The following CCSAP variants were observed in gnomAD, a reference collection of about 807,000 sequenced individuals.
CCSAP encodes the protein centriole, cilia and spindle associated protein.
A neutral mutation model predicts 25.9 loss-of-function variants in CCSAP; 17 were observed. That is an observed-to-expected ratio of 0.66 (90% CI 0.45 to 0.99). The LOEUF (loss-of-function observed/expected upper bound fraction) is 0.99, where lower values mean the gene tolerates loss of function less well. Ranked by LOEUF, CCSAP falls within the 50% of genes least tolerant of loss-of-function variation. CCSAP has a pLI of 0.00. For missense variants in CCSAP, 339 were observed against 367.8 expected, an observed-to-expected ratio of 0.92 and a Z score of 0.64; for synonymous variants, 169 against 157.1, an observed-to-expected ratio of 1.08 and a Z score of -0.57.
chr1:229,337,554 T>G (rs1658218839), intron 2 of CCSAP, among the ~76,000 whole-genome samples: 1 of 149,990 alleles, frequency 6.7e-6, no homozygotes, highest in African/African-American at 2.5e-5. Context: ...AAGGAAGACT[T>G]GAGATGTGCA....
Position 229,342,639 on chromosome 1 carries a change from G to A in CCSAP, c.-48-126C>T. 2.5e-6 allele frequency: 1 copy of A among 393,470 alleles called. No homozygotes were observed. The highest frequency in any genetic ancestry group is 4.4e-6 in the Non-Finnish European group (1 of 229,794). The allele number at this position is 393,470 out of a possible 1,614,324, so 24.4% of individuals were successfully genotyped here. On this transcript the variant is annotated intron_variant, in intron 1 of 3. Coordinates refer to ENST00000284617, the MANE Select transcript of CCSAP (RefSeq NM_145257.5). This position sits in a 1 kb window ranked among gnomAD's most constrained non-coding sequence, Gnocchi z 7.5. ...GGCGGGTCCCGGCGAGGGCGGGGAG[G>A]GGGCGGGGCGGGGGCGGCCTCACCC...
intron 2 of CCSAP, among the ~76,000 whole-genome samples, chr1:229,341,495 G>C (rs911992538): frequency 2.0e-5 from 3 of 152,216 alleles, no homozygotes; most frequent in African/African-American, 7.2e-5. Context: ...TTCGGATCTG[G>C]ACAGGCGAGG....
intron 2 of CCSAP, among the ~76,000 whole-genome samples, chr1:229,338,657 C>T (rs1376508622): frequency 2.6e-5 from 4 of 151,574 alleles, no homozygotes; most frequent in Admixed American, 2.6e-4. Flanking sequence ...AGAAAAGTGC[C>T]TAACATGAAA....
chr1:229,321,327 A>AT lies in CCSAP; in HGVS notation c.*3907dup, dbSNP rs952464570. 2.0e-5 allele frequency: 3 copies of AT among 152,272 alleles called. No homozygotes were observed. The highest frequency in any genetic ancestry group is 2.9e-5 in the Non-Finnish European group (2 of 68,012). The allele number at this position is 152,272 out of a possible 1,614,324, so 9.4% of individuals were successfully genotyped here. ...GGAAATAATATTAAAAGAGCAATCGATTTTTTTCCATCTCACACTAGTAGG... is the reference window on the plus strand; with the variant it reads ...GGAAATAATATTAAAAGAGCAATCGATTTTTTTTCCATCTCACACTAGTAGG... On this transcript the variant is annotated 3_prime_UTR_variant, in exon 4 of 4. Transcript: ENST00000284617.
intron 2 of CCSAP, among the ~76,000 whole-genome samples, chr1:229,332,670 C>A (rs200286785): frequency 6.6e-6 from 1 of 151,702 alleles, no homozygotes; most frequent in African/African-American, 2.4e-5. Flanking sequence ...CTGGCCAGTC[C>A]AATACAATAG....
chr1:229,337,678 A>AAAAAAAATATATATATAT, intron 2 of CCSAP, among the ~76,000 whole-genome samples: 1 of 65,512 alleles, frequency 1.5e-5, no homozygotes, highest in African/African-American at 6.0e-5. Context: ...CTCAAAAAAA[A>AAAAAAAATATATATATAT]ATATATATAT....
chr1:229,327,031 G>T, intron 2 of CCSAP, 25 bp from the exon 3 acceptor site: 1 of 1,554,666 alleles, frequency 6.4e-7, no homozygotes, highest in South Asian at 1.2e-5. Context: ...TAAATGAGAT[G>T]AAAATACTTT....
chr1:229,333,880 CA>C (rs1047907298), intron 2 of CCSAP, among the ~76,000 whole-genome samples: 3 of 151,794 alleles, frequency 2.0e-5, no homozygotes, highest in African/African-American at 7.3e-5. Flanking sequence ...GATTCCATCT[CA>C]AAAAATAATA....
In CCSAP at chr1:229,325,156, T is replaced by C. The variant is rs1370374729; in HGVS notation, c.*79A>G. The C allele has an allele frequency of 1.0e-5, 14 of 1,392,848 alleles. No homozygotes were observed. Among genetic ancestry groups the C allele is most frequent in the Non-Finnish European group, 6.8e-6 (7 of 1,032,070 alleles). The allele number at this position is 1,392,848 out of a possible 1,614,324, so 86.3% of individuals were successfully genotyped here. On this transcript the variant is annotated 3_prime_UTR_variant, in exon 4 of 4. Coordinates refer to ENST00000284617, the MANE Select transcript of CCSAP (RefSeq NM_145257.5). Reference sequence around the variant, plus strand: ...GTTGGTTTCTTAAACCTGTGTCCGTTTCTTTTGATGGTTTTTGTTTTGTTT... The same window carrying C: ...GTTGGTTTCTTAAACCTGTGTCCGTCTCTTTTGATGGTTTTTGTTTTGTTT...
rs1444068508 is a variant in CCSAP, at chr1:229,342,593, C to G, written c.-48-80G>C. Reference sequence around the variant, plus strand: ...CCGCCGCGACGTTTAAACCCGGAGCCCCGCCCGGACGGGAGCAGGGGGCGG... The same window carrying G: ...CCGCCGCGACGTTTAAACCCGGAGCGCCGCCCGGACGGGAGCAGGGGGCGG... On this transcript the variant is annotated intron_variant, in intron 1 of 3. Transcript: ENST00000284617. The surrounding 1 kb of genome is among the most constrained non-coding windows in gnomAD (Gnocchi z 7.5). The G allele has an allele frequency of 1.7e-6, 1 of 586,062 alleles. No homozygotes were observed. The highest frequency in any genetic ancestry group is 1.9e-5 in the African/African-American group (1 of 51,728). 36.3% of individuals were successfully genotyped at this position (586,062 alleles called of 1,614,324 possible).
chr1:229,325,217 G>A lies in CCSAP; in HGVS notation c.*18C>T, dbSNP rs200643344. The A allele has an allele frequency of 1.9e-6, 3 of 1,572,542 alleles. No homozygotes were observed. The East Asian group carries it at 6.8e-5, about 36-fold the overall frequency. On this transcript the variant is annotated 3_prime_UTR_variant, in exon 4 of 4. Transcript: ENST00000284617. The stretch of plus-strand genomic sequence containing the variant: ...TCATTTACACTTTTTAAAAGAGGCT[G>A]TCCACGCAAGTGTTTCTTTAAGCTC...
rs1034060322 is a variant in CCSAP at position 229,321,786 on chromosome 1, T to A, written c.*3449A>T. On this transcript the variant is annotated 3_prime_UTR_variant, in exon 4 of 4. Transcript: ENST00000284617. ...TTTGAACACTTTAAAGAAAGTACAG[T>A]CGGCCCTCTGTATCCGTGAGTTCTG... is the stretch of plus-strand genomic sequence containing the variant. 1 of 152,210 alleles carries A rather than the reference T, an allele frequency of 6.6e-6. No individual in the cohort carries two copies. Among genetic ancestry groups the A allele is most frequent in the East Asian group, 1.9e-4 (1 of 5,204 alleles). The allele number at this position is 152,210 out of a possible 1,614,324, so 9.4% of individuals were successfully genotyped here.
chr1:229,327,525 A>T (rs751629629), intron 2 of CCSAP: 1 of 456,158 alleles, frequency 2.2e-6, no homozygotes, highest in South Asian at 1.5e-5. Context: ...AGTGATTTCC[A>T]TCGTTACCGC....
chr1:229,334,596 T>C (rs1658152381), intron 2 of CCSAP, among the ~76,000 whole-genome samples: 1 of 151,764 alleles, frequency 6.6e-6, no homozygotes, highest in South Asian at 2.1e-4. Context: ...GAAAAAATAA[T>C]AAATTAATGA....
At position 229,342,392 on chromosome 1, in the gene CCSAP, G is replaced by T. The variant is rs773989155; in HGVS notation, c.74C>A (p.Pro25Gln). The change falls in exon 2 of 4, where the codon CCG (proline) becomes CAG (glutamine). Residue 25 changes from proline (P) to glutamine (Q), a missense_variant. Coordinates refer to ENST00000284617, the MANE Select transcript of CCSAP (RefSeq NM_145257.5). This position sits in a 1 kb window ranked among gnomAD's most constrained non-coding sequence, Gnocchi z 7.5. ...GTAGTGCAGCAGCTCGCGGTAGCAC[G>T]GCCCGTACTCCTCCCAGCGCGGCTC... ...YQEPRWEEYG[P>Q]CYRELLHYRL... 7.4e-6 allele frequency: 11 copies of T among 1,496,306 alleles called. No homozygotes were observed. The highest frequency in any genetic ancestry group is 5.2e-5 in the South Asian group (4 of 77,230). The allele number at this position is 1,496,306 out of a possible 1,614,324, so 92.7% of individuals were successfully genotyped here.
In CCSAP at chr1:229,325,215, C is replaced by T. The variant is rs1423768144; in HGVS notation, c.*20G>A. On this transcript the variant is annotated 3_prime_UTR_variant, in exon 4 of 4. Coordinates refer to ENST00000284617, the MANE Select transcript of CCSAP (RefSeq NM_145257.5). ...AGTCATTTACACTTTTTAAAAGAGG[C>T]TGTCCACGCAAGTGTTTCTTTAAGC... The T allele has an allele frequency of 6.4e-7, 1 of 1,558,484 alleles. No homozygotes were observed. Among genetic ancestry groups the T allele is most frequent in the Admixed American group, 2.2e-5 (1 of 46,364 alleles).
chr1:229,330,717 C>T (rs1030953040), intron 2 of CCSAP, among the ~76,000 whole-genome samples: 21 of 151,770 alleles, frequency 1.4e-4, no homozygotes, highest in Admixed American at 6.6e-4. Flanking sequence ...TGGTGGCAGG[C>T]GCCTGTAGTC....
At chr1:229,337,973 C>T (rs1403045893) in intron 2 of CCSAP, among the ~76,000 whole-genome samples, 1 of 151,818 alleles carries the variant, frequency 6.6e-6, no homozygotes, top group Admixed American at 6.6e-5. Flanking sequence ...GAACAATTAT[C>T]AATTTCAGGA....
chr1:229,326,595 C>T, intron 3 of CCSAP, 143 bp downstream of exon 3: 1 of 964,920 alleles, frequency 1.0e-6, no homozygotes, highest in Non-Finnish European at 1.5e-6. Flanking sequence ...TTCTGGAGTT[C>T]CCCAACCCAC....
Sources: allele counts gnomAD v4.1 joint callset (sites outside exome capture counted in the v4.1 genomes callset), GRCh38; gene constraint gnomAD v4.1.1; non-coding constraint Gnocchi (gnomAD v3.1); transcripts MANE v1.5; gene names NCBI Gene and HGNC (gene_info 2026-07-23, HGNC 2026-07-21).